Variants in OPHN1 observed in about 807,000 individuals in gnomAD.
OPHN1 encodes oligophrenin 1.
In OPHN1, 11 loss-of-function variants were observed where a neutral mutation model predicts 60.7. That is an observed-to-expected ratio of 0.18 (90% CI 0.11 to 0.30). OPHN1 has a LOEUF of 0.30. Among genes scored for constraint, OPHN1 ranks in the 10% least tolerant of loss-of-function variants. OPHN1 has a pLI of 1.00. For missense variants in OPHN1, 449 were observed against 611.0 expected (o/e 0.73, Z 2.80); for synonymous variants, 226 against 222.6 (o/e 1.02, Z -0.14).
At chrX:68,127,628 G>A (rs1274250248) in intron 15 of OPHN1, among the ~76,000 whole-genome samples, 1 of 111,819 alleles carries the variant, frequency 8.9e-6, no homozygotes, top group Non-Finnish European at 1.9e-5. Flanking sequence ...ACACACCACT[G>A]AGTCAATCTC....
chrX:68,146,895 T>C (rs1422517718), intron 15 of OPHN1, among the ~76,000 whole-genome samples: 1 of 112,158 alleles, frequency 8.9e-6, no homozygotes, highest in Non-Finnish European at 1.9e-5. Context: ...CAGGCATGCA[T>C]CCACACACAA....
In OPHN1 at chrX:68,137,844, A is replaced by G. The variant is rs1662802343; in HGVS notation, c.1277-18512T>C. On this transcript the variant is annotated intron_variant, in intron 15 of 24. Transcript: ENST00000355520. ...TCTCTTCTCCCCTGTGCACAGGCCT[A>G]CCACCTCTCAAGTGCAGCATAGAAA... 2.7e-5 allele frequency among the ~76,000 whole-genome samples: 3 copies of G among 111,518 alleles called. No individual in the cohort carries two copies. In the Admixed American group the frequency reaches 2.9e-4, roughly 11 times the overall value.
At chrX:68,110,725 A>C (rs1010363624) in intron 18 of OPHN1, among the ~76,000 whole-genome samples, 1 of 112,520 alleles carries the variant, frequency 8.9e-6, no homozygotes, top group Non-Finnish European at 1.9e-5. Flanking sequence ...AATGTTCTCT[A>C]TTAGCTCAAA....
chrX:68,265,475 T>G (rs778712515), intron 5 of OPHN1, among the ~76,000 whole-genome samples: 10 of 111,852 alleles, frequency 8.9e-5, no homozygotes, highest in Non-Finnish European at 1.7e-4. Context: ...GTCCTGACTG[T>G]TACAAGGAAA....
intron 15 of OPHN1, among the ~76,000 whole-genome samples, chrX:68,157,646 T>C (rs935046371): frequency 1.9e-4 from 21 of 111,455 alleles, no homozygotes; most frequent in African/African-American, 6.5e-4. Context: ...TACCTGGGTG[T>C]AACATATGCA....
chrX:68,125,930 AATATAT>A lies in OPHN1; in HGVS notation c.1277-6604_1277-6599del, dbSNP rs59058075. Among the ~76,000 whole-genome samples the A allele has an allele frequency of 8.5e-4, 19 of 22,260 alleles. 1 individual carries two copies. The highest frequency in any genetic ancestry group is 1.4e-3 in the Admixed American group (2 of 1,460). The allele number at this position is 22,260 out of a possible 115,157, so 19.3% of individuals were successfully genotyped here. A position where few individuals can be genotyped will look rare whatever the true frequency, so the allele number is the denominator to read the frequency against. On this transcript the variant is annotated intron_variant, in intron 15 of 24. Transcript: ENST00000355520. Reference sequence around the variant, plus strand: ...AAGCTATTGGCCATAACCACTGATCAATATATATATATATATATATATATATACATA... The same window carrying A: ...AAGCTATTGGCCATAACCACTGATCAATATATATATATATATATATACATA...
At chrX:68,327,915 C>T (rs1380024925) in intron 2 of OPHN1, among the ~76,000 whole-genome samples, 1 of 104,135 alleles carries the variant, frequency 9.6e-6, no homozygotes, top group Non-Finnish European at 1.9e-5. Context: ...CTGCAAGCTC[C>T]GCTTCCTGGG....
At chrX:68,259,487 A>C (rs761966809) in intron 5 of OPHN1, among the ~76,000 whole-genome samples, 9 of 111,492 alleles carry the variant, frequency 8.1e-5, no homozygotes, top group Non-Finnish European at 1.7e-4. Flanking sequence ...CATGAGAAAA[A>C]AAGCAATATA....
chrX:68,195,470 G>A (rs1302859318), intron 12 of OPHN1, among the ~76,000 whole-genome samples: 2 of 111,906 alleles, frequency 1.8e-5, no homozygotes, highest in Non-Finnish European at 1.9e-5. Flanking sequence ...TACCTCTTAG[G>A]AAATTTTGGG....
At chrX:68,197,818 T>A (rs1003971538) in intron 11 of OPHN1, among the ~76,000 whole-genome samples, 3 of 111,705 alleles carry the variant, frequency 2.7e-5, no homozygotes, top group Non-Finnish European at 5.6e-5. Flanking sequence ...ACAACTAATA[T>A]TTACTGAATG....
At chrX:68,329,252 G>A (rs926834587) in intron 2 of OPHN1, among the ~76,000 whole-genome samples, 32 of 112,038 alleles carry the variant, frequency 2.9e-4, no homozygotes, top group African/African-American at 1.0e-3. Context: ...TGGATAAAGT[G>A]GATAGTCTTA....
At chrX:68,369,222 T>A (rs1362037903) in intron 2 of OPHN1, among the ~76,000 whole-genome samples, 7 of 108,742 alleles carry the variant, frequency 6.4e-5, no homozygotes, top group African/African-American at 2.3e-4. Flanking sequence ...AAAAATCTAG[T>A]CATCTCTTAG....
At chrX:68,345,015 G>A (rs1453309338) in intron 2 of OPHN1, among the ~76,000 whole-genome samples, 2 of 112,089 alleles carry the variant, frequency 1.8e-5, no homozygotes, top group Non-Finnish European at 3.8e-5. Flanking sequence ...ACAATCCAAA[G>A]AGGAGAAAAT....
At chrX:68,383,116 G>T (rs1338332210) in intron 2 of OPHN1, among the ~76,000 whole-genome samples, 1 of 110,398 alleles carries the variant, frequency 9.1e-6, no homozygotes, top group Non-Finnish European at 1.9e-5. Context: ...TGAGGCAAGA[G>T]TTCAAGACCA....
rs2077926446 is a variant in OPHN1 at position 68,266,314 on chromosome X, A to G, written c.384+8424T>C. 2.7e-5 allele frequency among the ~76,000 whole-genome samples: 3 copies of G among 112,145 alleles called. No individual in the cohort carries two copies. The South Asian group carries it at 1.1e-3, about 42-fold the overall frequency. On this transcript the variant is annotated intron_variant, in intron 5 of 24. Transcript: ENST00000355520. ...TTACCCACAAAGGGAAGTCCCTCAGACTAACAGCTGATCGCTCGGCAGAAA... is the reference window on the plus strand; with the variant it reads ...TTACCCACAAAGGGAAGTCCCTCAGGCTAACAGCTGATCGCTCGGCAGAAA...
rs772442854 is a variant in OPHN1 at position 68,331,809 on chromosome X, G to A, written c.155-32713C>T. 1.1e-4 allele frequency among the ~76,000 whole-genome samples: 12 copies of A among 109,622 alleles called. No individual in the cohort carries two copies. In the East Asian group the frequency reaches 3.4e-3, roughly 31 times the overall value. ...CCAGCACTTTGGGAGGCTGAGGCAG[G>A]TGGATCACGAGGTCAAGAGATCGAG... On this transcript the variant is annotated intron_variant, in intron 2 of 24. Coordinates refer to ENST00000355520, the MANE Select transcript of OPHN1 (RefSeq NM_002547.3).
chrX:68,192,963 A>C lies in OPHN1; in HGVS notation c.1232T>G (p.Val411Gly). The C allele has an allele frequency of 8.3e-7, 1 of 1,210,785 alleles. No individual in the cohort carries two copies. The highest frequency in any genetic ancestry group is 1.1e-6 in the Non-Finnish European group (1 of 894,578). Residue 411 changes from valine (V) to glycine (G), a missense_variant, in exon 15 of 25, where the codon GTG (valine) becomes GGG (glycine). Val to Gly is a moderately radical substitution (Grantham distance 109). This residue lies in a region of OPHN1 where 166 missense variants were observed against 278.4 expected (regional missense o/e 0.60). Transcript: ENST00000355520. ...GIKTEGLYRT[V>G]GSNIQVQKLL... ...CTTCTGAACCTGAATATTGCTGCCCACAGTGCGGTACAACCCTTCTGTCTT... is the reference window on the plus strand; with the variant it reads ...CTTCTGAACCTGAATATTGCTGCCCCCAGTGCGGTACAACCCTTCTGTCTT...
intron 19 of OPHN1, among the ~76,000 whole-genome samples, chrX:68,088,471 T>A (rs1450035395): frequency 9.0e-6 from 1 of 111,554 alleles, no homozygotes; most frequent in African/African-American, 3.3e-5. Context: ...TTAAGATGCG[T>A]TTAGGTTGGG....
chrX:68,267,420 G>A (rs906150958), intron 5 of OPHN1, among the ~76,000 whole-genome samples: 1 of 111,913 alleles, frequency 8.9e-6, no homozygotes. Flanking sequence ...ACCTGCTCCC[G>A]AATGACTACT....
Sources: allele counts gnomAD v4.1 joint callset (sites outside exome capture counted in the v4.1 genomes callset), GRCh38; gene constraint gnomAD v4.1.1; regional missense constraint gnomAD v4.1.1; transcripts MANE v1.5; gene names NCBI Gene and HGNC (gene_info 2026-07-23, HGNC 2026-07-21).